EVL: variants seen among roughly 807,000 people sequenced by gnomAD.
EVL encodes the protein ena/VASP-like protein.
A neutral mutation model predicts 59.6 loss-of-function variants in EVL; 21 were observed. The observed-to-expected ratio is 0.35, with a 90% CI of 0.25 to 0.51. EVL has a LOEUF of 0.51. EVL is among the 20% of genes least tolerant of loss of function. The pLI is 0.97. For synonymous variants in EVL, 198 were observed against 203.5 expected, an observed-to-expected ratio of 0.97 and a Z score of 0.23; for missense variants, 462 against 546.6, an observed-to-expected ratio of 0.85 and a Z score of 1.54.
chr14:100,082,922 C>T (rs1388283729), intron 1 of EVL, among the ~76,000 whole-genome samples: 1 of 152,196 alleles, frequency 6.6e-6, no homozygotes, highest in Non-Finnish European at 1.5e-5. Flanking sequence ...CGGCTGGGAG[C>T]AGCATGGCCT....
At position 100,046,353 on chromosome 14, in the gene EVL, AAC is replaced by A. The variant is rs148351392; in HGVS notation, c.6-38330_6-38329del. ...GCATTGGGTTATTTATTCTTTAGCA[AAC>A]ACAGTGTTGACTAAGAATTTTGACA... On this transcript the variant is annotated intron_variant, in intron 1 of 13. Coordinates refer to the EVL transcript ENST00000402714. Among the ~76,000 whole-genome samples the A allele has an allele frequency of 9.7e-3, 1,476 of 152,284 alleles. 20 individuals are homozygous for A. The highest frequency in any genetic ancestry group is 0.033 in the African/African-American group (1,388 of 41,550).
At chr14:99,984,682 C>T (rs1293842985) in intron 1 of EVL, among the ~76,000 whole-genome samples, 2 of 152,022 alleles carry the variant, frequency 1.3e-5, no homozygotes, top group South Asian at 2.1e-4. Context: ...GGTGCGATCT[C>T]GGCTCACTGC....
chr14:100,016,069 ACT>A (rs1385789597), intron 1 of EVL, among the ~76,000 whole-genome samples: 2 of 143,256 alleles, frequency 1.4e-5, no homozygotes, highest in East Asian at 2.1e-4. Context: ...ACAGAGTAAG[ACT>A]CTGTCTCAAA....
At chr14:100,020,464 T>A (rs1555413019) in intron 1 of EVL, among the ~76,000 whole-genome samples, 1 of 144,412 alleles carries the variant, frequency 6.9e-6, no homozygotes, top group Non-Finnish European at 1.6e-5. Context: ...TGGAAGAGAG[T>A]GTGTGTGTGT....
Position 99,989,435 on chromosome 14 carries a change from G to A in EVL, c.5+17378G>A, listed in dbSNP as rs2060861571. ...TGCTTTGTTGTTAGTACTCAAATCTGAGTTAATATTTTCTTCTTAGGTTTC... is the reference window on the plus strand; with the variant it reads ...TGCTTTGTTGTTAGTACTCAAATCTAAGTTAATATTTTCTTCTTAGGTTTC... On this transcript the variant is annotated intron_variant, in intron 1 of 13. Coordinates refer to the EVL transcript ENST00000402714. Among the ~76,000 whole-genome samples, 3 of 152,178 alleles carry A rather than the reference G, an allele frequency of 2.0e-5. No homozygotes were observed. The South Asian group carries it at 6.2e-4, about 32-fold the overall frequency.
Position 99,982,550 on chromosome 14 carries a change from G to A in EVL, c.5+10493G>A, listed in dbSNP as rs558442984. Among the ~76,000 whole-genome samples, 6 of 152,284 alleles carry A rather than the reference G, an allele frequency of 3.9e-5. No homozygotes were observed. The South Asian group carries it at 1.0e-3, about 26-fold the overall frequency. On this transcript the variant is annotated intron_variant, in intron 1 of 13. Coordinates refer to the EVL transcript ENST00000402714. Reference sequence around the variant, plus strand: ...AAGGAAGGACTTTGGAAAGGAATCAGGAGAGAGAAGTAAATGGGGTTAAGA... The same window carrying A: ...AAGGAAGGACTTTGGAAAGGAATCAAGAGAGAGAAGTAAATGGGGTTAAGA...
chr14:100,072,646 G>A (rs939701310), intron 1 of EVL, among the ~76,000 whole-genome samples: 3 of 152,184 alleles, frequency 2.0e-5, no homozygotes, highest in Admixed American at 6.5e-5. Context: ...CCCTAGGACT[G>A]AAGTATCATG....
chr14:100,099,806 C>T (rs528353075), intron 3 of EVL, among the ~76,000 whole-genome samples: 5 of 151,646 alleles, frequency 3.3e-5, no homozygotes, highest in Admixed American at 3.3e-4. Context: ...ATCTCCTGAC[C>T]TTGTGATCCG....
chr14:100,138,205 A>G (rs1888934781), intron 11 of EVL: 1 of 280,678 alleles, frequency 3.6e-6, no homozygotes, highest in Non-Finnish European at 6.8e-6. Context: ...ACAGCTGGAC[A>G]TGGGGTGTGG....
Position 99,982,244 on chromosome 14 carries a change from A to G in EVL, c.5+10187A>G, listed in dbSNP as rs144132741. Among the ~76,000 whole-genome samples, 65 of 152,298 alleles carry G rather than the reference A, an allele frequency of 4.3e-4. No individual in the cohort carries two copies. In the East Asian group the frequency reaches 0.012, roughly 29 times the overall value. ...ATTTGTATTGGGCATTGTACATTTG[A>G]TATATGTGCACTTCCCCCTTACTAA... On this transcript the variant is annotated intron_variant, in intron 1 of 13. Coordinates refer to the EVL transcript ENST00000402714.
At chr14:100,067,816 T>G (rs2061965147) in intron 1 of EVL, among the ~76,000 whole-genome samples, 2 of 152,166 alleles carry the variant, frequency 1.3e-5, no homozygotes, top group Admixed American at 1.3e-4. Flanking sequence ...AGGAGGCGAC[T>G]GGCTGTGAGG....
chr14:99,977,943 A>C (rs1380255510), intron 1 of EVL: 1 of 151,896 alleles, frequency 6.6e-6, no homozygotes, highest in East Asian at 2.0e-4. Context: ...CTAAAAATAC[A>C]ACAGTTAGCC....
intron 1 of EVL, among the ~76,000 whole-genome samples, chr14:99,988,427 C>G (rs2060853669): frequency 6.6e-6 from 1 of 152,114 alleles, no homozygotes; most frequent in African/African-American, 2.4e-5. Context: ...TGAGGATAAC[C>G]CTTACACATT....
chr14:100,113,090 G>A (rs1161458778), intron 3 of EVL, among the ~76,000 whole-genome samples: 1 of 152,196 alleles, frequency 6.6e-6, no homozygotes, highest in South Asian at 2.1e-4. Flanking sequence ...CCCTGGGGGC[G>A]GGCATGCCTG....
chr14:100,075,427 G>C (rs1000220942), intron 1 of EVL, among the ~76,000 whole-genome samples: 7 of 152,308 alleles, frequency 4.6e-5, no homozygotes, highest in Non-Finnish European at 1.0e-4. Flanking sequence ...GTATGTTGAA[G>C]GTAAACAAGT....
At chr14:100,047,678 A>G (rs959993650) in intron 1 of EVL, among the ~76,000 whole-genome samples, 1 of 152,164 alleles carries the variant, frequency 6.6e-6, no homozygotes, top group African/African-American at 2.4e-5. Context: ...CCTGGGTTAC[A>G]CATTCTGCAA....
At chr14:100,041,141 C>T (rs1190582833) in intron 1 of EVL, among the ~76,000 whole-genome samples, 2 of 152,118 alleles carry the variant, frequency 1.3e-5, no homozygotes, top group East Asian at 3.8e-4. Flanking sequence ...AATAAGTGTT[C>T]CTCTTCCCCC....
chr14:100,100,275 A>G (rs911637337), intron 3 of EVL, among the ~76,000 whole-genome samples: 1 of 152,136 alleles, frequency 6.6e-6, no homozygotes, highest in Non-Finnish European at 1.5e-5. Flanking sequence ...TATGCATACA[A>G]TGTGAGAGTA....
intron 1 of EVL, among the ~76,000 whole-genome samples, chr14:99,977,713 C>G (rs187646483): frequency 6.6e-6 from 1 of 152,056 alleles, no homozygotes; most frequent in Non-Finnish European, 1.5e-5. Flanking sequence ...GGATTATAGG[C>G]ATGAGCCACC....
Sources: gnomAD v4.1 joint callset for allele counts (sites outside exome capture counted in the v4.1 genomes callset) on GRCh38, gnomAD v4.1.1 for gene constraint, MANE v1.5 for transcripts, NCBI Gene and HGNC (gene_info 2026-07-23, HGNC 2026-07-21) for gene names.